The following BNIP1 variants were observed in gnomAD, a reference collection of about 807,000 sequenced individuals.
BNIP1 encodes vesicle transport protein SEC20.
Under a neutral mutation model 28.5 loss-of-function variants are expected in BNIP1, and 25 were observed. That is an observed-to-expected ratio of 0.88 (90% CI 0.64 to 1.23). The LOEUF is 1.23. BNIP1 is among the 50% of genes most tolerant of loss of function. The probability of loss-of-function intolerance (pLI) is 0.00; values close to 1 mark genes in which losing one functional copy is unlikely to be tolerated. For missense variants in BNIP1, 276 were observed against 277.0 expected, an observed-to-expected ratio of 1.00 and a Z score of 0.02; for synonymous variants, 118 against 101.7, an observed-to-expected ratio of 1.16 and a Z score of -0.96.
At chr5:173,161,048 C>T (rs1760348446) in intron 5 of BNIP1, 1 of 339,820 alleles carries the variant, frequency 2.9e-6, no homozygotes, top group Non-Finnish European at 5.8e-6. Context: ...TCCTGAATCC[C>T]CTGAGCCCTG....
chr5:173,162,651 T>C (rs1581084246), intron 5 of BNIP1, among the ~76,000 whole-genome samples: 1 of 151,758 alleles, frequency 6.6e-6, no homozygotes, highest in East Asian at 1.9e-4. Context: ...AAAAGAAACA[T>C]TGTGTGGGTT....
At chr5:173,148,790 T>C (rs1759938940) in intron 2 of BNIP1, among the ~76,000 whole-genome samples, 1 of 152,098 alleles carries the variant, frequency 6.6e-6, no homozygotes, top group East Asian at 1.9e-4. Flanking sequence ...TTTGAGATAA[T>C]TGCATTCTTT....
rs536817795 is a variant in BNIP1 at position 173,145,022 on chromosome 5, G to A, written c.84+393G>A. 9.3e-5 allele frequency: 16 copies of A among 172,166 alleles called. No homozygotes were observed. In the South Asian group the frequency reaches 2.2e-3, roughly 23 times the overall value. The allele number at this position is 172,166 out of a possible 1,614,324, so 10.7% of individuals were successfully genotyped here. Reference sequence around the variant, plus strand: ...CAGCATCCTCTGGTAGCGTCCGGGAGGCAGCTAGCCCCGCCCCCTGCTGGC... The same window carrying A: ...CAGCATCCTCTGGTAGCGTCCGGGAAGCAGCTAGCCCCGCCCCCTGCTGGC... On this transcript the variant is annotated intron_variant, in intron 1 of 5. Transcript: ENST00000351486.
chr5:173,144,766 C>G, intron 1 of BNIP1, 137 bp downstream of exon 1: 1 of 845,688 alleles, frequency 1.2e-6, no homozygotes, highest in Non-Finnish European at 1.8e-6. Context: ...GGTCGGCTAC[C>G]CCCCCGGTCC....
intron 2 of BNIP1, among the ~76,000 whole-genome samples, chr5:173,148,066 A>G (rs868503488): frequency 0.012 from 445 of 36,210 alleles, 22 homozygotes; most frequent in African/African-American, 0.053. Flanking sequence ...CTGTGTCAAA[A>G]AAAAAAAAAA....
At chr5:173,157,322 T>C (rs1018428015) in intron 3 of BNIP1, among the ~76,000 whole-genome samples, 16 of 152,326 alleles carry the variant, frequency 1.1e-4, no homozygotes, top group Admixed American at 9.8e-4. Flanking sequence ...TTAGCACAAT[T>C]GGTTTGAGCT....
chr5:173,153,992 C>T (rs1189113760), intron 2 of BNIP1, among the ~76,000 whole-genome samples: 2 of 152,166 alleles, frequency 1.3e-5, no homozygotes, highest in Admixed American at 6.5e-5. Context: ...GCTTGTATTT[C>T]GTCATTGTTT....
chr5:173,146,211 A>G (rs1186200242), intron 1 of BNIP1, among the ~76,000 whole-genome samples: 1 of 152,226 alleles, frequency 6.6e-6, no homozygotes, highest in Non-Finnish European at 1.5e-5. Context: ...TAGTGTTGTG[A>G]TAAGGAAACT....
chr5:173,162,628 CA>C (rs573415065), intron 5 of BNIP1, among the ~76,000 whole-genome samples: 66 of 139,662 alleles, frequency 4.7e-4, no homozygotes, highest in South Asian at 4.6e-4. Context: ...GACTGCATCT[CA>C]AAAAAAAAAA....
chr5:173,156,987 A>T (rs1760219012), intron 3 of BNIP1, among the ~76,000 whole-genome samples: 1 of 152,058 alleles, frequency 6.6e-6, no homozygotes, highest in Admixed American at 6.5e-5. Context: ...AACAAAAAAA[A>T]CCAACTTTGG....
chr5:173,146,871 C>A lies in BNIP1; in HGVS notation c.90C>A (p.Ile30=), dbSNP rs1415575420. The change falls in exon 2 of 6, where the codon ATC becomes ATA. Residue 30 remains isoleucine (I), a synonymous_variant. Coordinates refer to ENST00000351486, the MANE Select transcript of BNIP1 (RefSeq NM_001205.3). ...ATCTGTTCAATGTCTCCTAGGATATCCGTGATTGTTCAGGACCCTTAAGTG... is the reference window on the plus strand; with the variant it reads ...ATCTGTTCAATGTCTCCTAGGATATACGTGATTGTTCAGGACCCTTAAGTG... ...DLEVKALIQD[I]RDCSGPLSAL... is the part of the protein sequence containing the mutation. The A allele has an allele frequency of 6.2e-7, 1 of 1,612,402 alleles. No individual in the cohort carries two copies. The highest frequency in any genetic ancestry group is 1.3e-5 in the African/African-American group (1 of 74,832).
At chr5:173,158,352 G>A (rs1256498083) in intron 3 of BNIP1, among the ~76,000 whole-genome samples, 1 of 152,210 alleles carries the variant, frequency 6.6e-6, no homozygotes, top group East Asian at 1.9e-4. Context: ...TAATACACAG[G>A]CCATAGCAGT....
rs573946844 is a variant in BNIP1 at position 173,149,541 on chromosome 5, C to T, written c.177+2583C>T. Among the ~76,000 whole-genome samples the T allele has an allele frequency of 5.9e-5, 9 of 152,198 alleles. No individual in the cohort carries two copies. In the South Asian group the frequency reaches 8.3e-4, roughly 14 times the overall value. On this transcript the variant is annotated intron_variant, in intron 2 of 5. Transcript: ENST00000351486. ...GGACACAGCCAAACCATATCACCAT[C>T]CCTGGATGGGTCTTGTGGCACCTGG...
chr5:173,156,037 A>G (rs538210854), intron 3 of BNIP1, among the ~76,000 whole-genome samples: 2 of 152,232 alleles, frequency 1.3e-5, no homozygotes, highest in African/African-American at 4.8e-5. Context: ...GCAGCTGTGT[A>G]TGTAACAGTC....
intron 5 of BNIP1, 112 bp from the exon 6 acceptor site, chr5:173,163,613 G>C: frequency 1.0e-6 from 1 of 983,720 alleles, no homozygotes; most frequent in Non-Finnish European, 1.5e-6. Flanking sequence ...TTCCAGCTCA[G>C]AGGAACTCAC....
chr5:173,153,688 AG>A (rs5745133), intron 2 of BNIP1, among the ~76,000 whole-genome samples: 8,875 of 152,220 alleles, frequency 0.058, 309 homozygotes, highest in Middle Eastern at 0.17. Context: ...TAGCAAAAAA[AG>A]GCAAGCATCT....
intron 2 of BNIP1, among the ~76,000 whole-genome samples, chr5:173,149,220 C>T (rs1056719759): frequency 6.6e-6 from 1 of 152,208 alleles, no homozygotes; most frequent in East Asian, 1.9e-4. Flanking sequence ...CTGATAAAGA[C>T]ATACGTGAGA....
intron 5 of BNIP1, 149 bp downstream of exon 5, chr5:173,160,200 A>G: frequency 1.5e-6 from 1 of 684,080 alleles, no homozygotes; most frequent in Non-Finnish European, 2.6e-6. Context: ...ACTTGACACC[A>G]TGGTCTTATC....
chr5:173,149,773 C>T (rs1402530307), intron 2 of BNIP1, among the ~76,000 whole-genome samples: 3 of 152,164 alleles, frequency 2.0e-5, no homozygotes, highest in Admixed American at 2.0e-4. Flanking sequence ...TGTCACATGA[C>T]AAAAGCAGGA....
Sources: allele counts gnomAD v4.1 joint callset (sites outside exome capture counted in the v4.1 genomes callset), GRCh38; gene constraint gnomAD v4.1.1; transcripts MANE v1.5; gene names NCBI Gene and HGNC (gene_info 2026-07-23, HGNC 2026-07-21).